The following PALM2AKAP2 variants were observed in gnomAD, a reference collection of about 807,000 sequenced individuals.
PALM2AKAP2 encodes PALM2 and AKAP2 fusion, also known as PALM2-AKAP2 fusion protein.
In PALM2AKAP2, 37 loss-of-function variants were observed where a neutral mutation model predicts 71.5. The ratio of observed to expected loss-of-function variants is 0.52; its 90% CI spans 0.40 to 0.68. The LOEUF is 0.68. PALM2AKAP2 is among the 30% of genes least tolerant of loss of function. PALM2AKAP2 has a pLI of 0.00. For synonymous variants in PALM2AKAP2, 468 were observed against 478.8 expected, an observed-to-expected ratio of 0.98 and a Z score of 0.29; for missense variants, 1,224 against 1,191.8, an observed-to-expected ratio of 1.03 and a Z score of -0.40.
intron 1 of PALM2AKAP2, among the ~76,000 whole-genome samples, chr9:109,822,048 T>C (rs998987959): frequency 6.6e-6 from 1 of 152,230 alleles, no homozygotes; most frequent in African/African-American, 2.4e-5. Flanking sequence ...GACTTATCAT[T>C]GCATGTTACA....
At position 109,843,135 on chromosome 9, in the gene PALM2AKAP2, G is replaced by A. The variant is rs1379735286; in HGVS notation, c.46-24356G>A. Among the ~76,000 whole-genome samples the A allele has an allele frequency of 2.9e-4, 4 of 13,838 alleles. 1 individual carries two copies. The highest frequency in any genetic ancestry group is 1.9e-3 in the African/African-American group (3 of 1,604). 9.1% of individuals were successfully genotyped at this position (13,838 alleles called of 152,430 possible). ...AGCCTGGGCAACAGGAATGAAACTC[G>A]GTCTCAAAAAAAAAAAAAAAAAAAA... On this transcript the variant is annotated intron_variant, in intron 1 of 9. Coordinates refer to the PALM2AKAP2 transcript ENST00000302798.
chr9:109,881,712 A>G (rs1030896980), intron 3 of PALM2AKAP2, among the ~76,000 whole-genome samples: 1 of 151,734 alleles, frequency 6.6e-6, no homozygotes, highest in South Asian at 2.1e-4. Flanking sequence ...AGCTATAGCC[A>G]CTCCAGGTCC....
At chr9:109,758,476 C>T (rs1829000134) in intron 1 of PALM2AKAP2, among the ~76,000 whole-genome samples, 1 of 152,076 alleles carries the variant, frequency 6.6e-6, no homozygotes, top group Non-Finnish European at 1.5e-5. Flanking sequence ...ATCATTAACA[C>T]TGCTAGCAAA....
chr9:109,840,097 C>G (rs140326969), intron 1 of PALM2AKAP2, among the ~76,000 whole-genome samples: 13,436 of 152,226 alleles, frequency 0.088, 726 homozygotes, highest in South Asian at 0.15. Flanking sequence ...AGGCATCACG[C>G]TACCTGACTT....
At chr9:109,765,622 T>C (rs1456753476) in intron 1 of PALM2AKAP2, 1 of 152,358 alleles carries the variant, frequency 6.6e-6, no homozygotes, top group Non-Finnish European at 1.5e-5. Flanking sequence ...GGTAAGGGTA[T>C]AATTTTAGAG....
At chr9:109,935,337 A>G (rs1217689387) in intron 6 of PALM2AKAP2, among the ~76,000 whole-genome samples, 2 of 152,208 alleles carry the variant, frequency 1.3e-5, no homozygotes, top group African/African-American at 4.8e-5. Context: ...CCAAAGTCAG[A>G]GCCCTGTGGC....
At chr9:109,813,269 G>A (rs1270655838) in intron 1 of PALM2AKAP2, among the ~76,000 whole-genome samples, 1 of 152,194 alleles carries the variant, frequency 6.6e-6, no homozygotes, top group Non-Finnish European at 1.5e-5. Context: ...CAAGAGCTGA[G>A]AGAGCTACAC....
chr9:109,939,476 A>G (rs901461444), intron 6 of PALM2AKAP2, among the ~76,000 whole-genome samples: 11 of 152,218 alleles, frequency 7.2e-5, no homozygotes, highest in African/African-American at 2.7e-4. Context: ...CATATTCTGT[A>G]TTGATCGCAG....
At chr9:110,108,719 C>T (rs1314051845) in intron 1 of PALM2AKAP2, among the ~76,000 whole-genome samples, 2 of 152,108 alleles carry the variant, frequency 1.3e-5, no homozygotes, top group African/African-American at 4.8e-5. Flanking sequence ...GGTTACACAA[C>T]ATTGTGAATA....
At chr9:110,029,622 C>T (rs1328301428) in intron 7 of PALM2AKAP2, among the ~76,000 whole-genome samples, 1 of 152,184 alleles carries the variant, frequency 6.6e-6, no homozygotes, top group East Asian at 1.9e-4. Context: ...AGCCTCATTT[C>T]TTAAGAATAA....
intron 2 of PALM2AKAP2, among the ~76,000 whole-genome samples, chr9:109,878,956 C>T (rs1393776886): frequency 2.0e-5 from 3 of 152,156 alleles, no homozygotes; most frequent in East Asian, 3.9e-4. Context: ...AGGCTAGTCG[C>T]GAACTCCTGA....
At chr9:109,817,435 C>A (rs1356648245) in intron 1 of PALM2AKAP2, among the ~76,000 whole-genome samples, 1 of 152,162 alleles carries the variant, frequency 6.6e-6, no homozygotes, top group Non-Finnish European at 1.5e-5. Context: ...AATTCAAACC[C>A]CTATAATTAG....
chr9:110,045,299 A>G (rs1564276289), upstream of PALM2AKAP2, among the ~76,000 whole-genome samples: 1 of 152,178 alleles, frequency 6.6e-6, no homozygotes, highest in Non-Finnish European at 1.5e-5. Context: ...TTTTATTCAA[A>G]TATGCTCCTA....
chr9:110,049,750 G>C (rs1026273541), intron 1 of PALM2AKAP2, among the ~76,000 whole-genome samples: 1 of 152,206 alleles, frequency 6.6e-6, no homozygotes, highest in South Asian at 2.1e-4. Flanking sequence ...CCAGAGAAAC[G>C]GAGTGGATAG....
intron 1 of PALM2AKAP2, among the ~76,000 whole-genome samples, chr9:109,833,776 T>C (rs756951889): frequency 2.0e-5 from 3 of 152,212 alleles, no homozygotes; most frequent in Non-Finnish European, 2.9e-5. Context: ...GATTGCCACA[T>C]GTTTCTGAAT....
intron 1 of PALM2AKAP2, among the ~76,000 whole-genome samples, chr9:109,860,375 C>T (rs1413517314): frequency 1.3e-5 from 2 of 152,028 alleles, no homozygotes; most frequent in Non-Finnish European, 2.9e-5. Flanking sequence ...TTGTTGGGTC[C>T]CCACTTGCAA....
intron 1 of PALM2AKAP2, among the ~76,000 whole-genome samples, chr9:109,660,940 G>T (rs10979985): frequency 0.31 from 47,448 of 151,948 alleles, 8,541 homozygotes; most frequent in African/African-American, 0.49. Flanking sequence ...TTTTTTCATG[G>T]GTCTGTTGGC....
chr9:109,756,266 T>C (rs1196587781), intron 1 of PALM2AKAP2, among the ~76,000 whole-genome samples: 2 of 152,176 alleles, frequency 1.3e-5, no homozygotes, highest in Non-Finnish European at 2.9e-5. Flanking sequence ...TCACATTTTG[T>C]GTTTCTTTGG....
intron 6 of PALM2AKAP2, among the ~76,000 whole-genome samples, chr9:109,936,611 G>A (rs900865258): frequency 1.3e-5 from 2 of 152,174 alleles, no homozygotes; most frequent in African/African-American, 4.8e-5. Context: ...TTACTGAGAT[G>A]ACCCTGACCC....
Sources: allele counts gnomAD v4.1 joint callset (sites outside exome capture counted in the v4.1 genomes callset), GRCh38; gene constraint gnomAD v4.1.1; transcripts MANE v1.5; gene names NCBI Gene and HGNC (gene_info 2026-07-23, HGNC 2026-07-21).